VPS50: variants seen among roughly 807,000 people sequenced by gnomAD.
The protein encoded by VPS50 is VPS50 subunit of EARP/GARPII complex.
VPS50 carries 70 observed loss-of-function variants against 139.7 expected under a neutral mutation model. The observed-to-expected ratio is 0.50, with a 90% CI of 0.41 to 0.61. The LOEUF is 0.61. VPS50 is among the 20% of genes least tolerant of loss of function. The pLI is 0.00. For synonymous variants in VPS50, 365 were observed against 376.7 expected, an observed-to-expected ratio of 0.97 and a Z score of 0.36; for missense variants, 921 against 1,133.7, an observed-to-expected ratio of 0.81 and a Z score of 2.69.
Position 93,334,062 on chromosome 7 carries a change from G to A in VPS50, c.1978-55G>A, listed in dbSNP as rs116151544. 1.4e-3 allele frequency: 1,315 copies of A among 962,492 alleles called. 9 individuals carry two copies. The African/African-American group carries it at 0.014, about 10-fold the overall frequency. 59.6% of individuals were successfully genotyped at this position (962,492 alleles called of 1,614,324 possible). On this transcript the variant is annotated intron_variant, in intron 21 of 27. Transcript: ENST00000305866. ...CAAATATCTTGGTTAATTTGAAGAT[G>A]TAACATTTGCAAGATGATCTTTAGA...
chr7:93,347,059 T>G (rs1798417081), intron 23 of VPS50, among the ~76,000 whole-genome samples: 1 of 144,800 alleles, frequency 6.9e-6, no homozygotes, highest in Non-Finnish European at 1.5e-5. Context: ...TGGGAGAAAA[T>G]TTTCGCAACC....
At chr7:93,312,298 A>C (rs1797291889) in intron 20 of VPS50, among the ~76,000 whole-genome samples, 1 of 152,178 alleles carries the variant, frequency 6.6e-6, no homozygotes, top group Non-Finnish European at 1.5e-5. Context: ...GACTGAACAT[A>C]GTGTCAGAAA....
At position 93,276,147 on chromosome 7, in the gene VPS50, GT is replaced by G; in HGVS notation, c.802-11del. 2 of 1,539,394 alleles carry G rather than the reference GT, an allele frequency of 1.3e-6. No homozygotes were observed. The highest frequency in any genetic ancestry group is 1.8e-6 in the Non-Finnish European group (2 of 1,139,800). ...TTAATAATGTGAAATTATGTTGTGCGTTTTTTTCTTTCCACAGACAGCAATG... is the reference window on the plus strand; with the variant it reads ...TTAATAATGTGAAATTATGTTGTGCGTTTTTTCTTTCCACAGACAGCAATG... On this transcript the variant is annotated splice_polypyrimidine_tract_variant and intron_variant, in intron 11 of 27. Coordinates refer to ENST00000305866, the MANE Select transcript of VPS50 (RefSeq NM_017667.4).
chr7:93,332,622 C>T (rs957854576), intron 21 of VPS50, among the ~76,000 whole-genome samples: 5 of 151,870 alleles, frequency 3.3e-5, no homozygotes, highest in African/African-American at 1.2e-4. Flanking sequence ...AGTTATTTAC[C>T]CAAGATAAGT....
Position 93,303,555 on chromosome 7 carries a change from G to T in VPS50, c.1452+5G>T. On this transcript the variant is annotated splice_donor_5th_base_variant and intron_variant, in intron 17 of 27. Transcript: ENST00000305866. Reference sequence around the variant, plus strand: ...TTCAGCATCTTGCAACTTCATGTAAGTGTTTCTTAAGAACAAAGAAATCTG... The same window carrying T: ...TTCAGCATCTTGCAACTTCATGTAATTGTTTCTTAAGAACAAAGAAATCTG... The T allele has an allele frequency of 7.2e-7, 1 of 1,386,738 alleles. No individual in the cohort carries two copies. The highest frequency in any genetic ancestry group is 1.0e-6 in the Non-Finnish European group (1 of 989,832). 85.9% of individuals were successfully genotyped at this position (1,386,738 alleles called of 1,614,324 possible).
At chr7:93,316,518 G>A (rs775320053) in intron 20 of VPS50, among the ~76,000 whole-genome samples, 3 of 152,188 alleles carry the variant, frequency 2.0e-5, no homozygotes, top group Non-Finnish European at 2.9e-5. Flanking sequence ...TTGTAATATA[G>A]AGAAGAAGAT....
At chr7:93,315,508 AAG>A (rs1422014331) in intron 20 of VPS50, among the ~76,000 whole-genome samples, 8 of 152,196 alleles carry the variant, frequency 5.3e-5, no homozygotes, top group African/African-American at 1.9e-4. Context: ...AGCTTACTAA[AAG>A]AGTTCTGTTA....
At chr7:93,298,216 A>G (rs1352810074) in intron 16 of VPS50, among the ~76,000 whole-genome samples, 2 of 152,218 alleles carry the variant, frequency 1.3e-5, no homozygotes, top group African/African-American at 4.8e-5. Flanking sequence ...AGAGCCTTTG[A>G]GTTTCATGAC....
intron 22 of VPS50, among the ~76,000 whole-genome samples, chr7:93,336,714 G>A (rs1237782395): frequency 6.6e-6 from 1 of 152,146 alleles, no homozygotes; most frequent in Non-Finnish European, 1.5e-5. Flanking sequence ...GGTTTGCCAT[G>A]TTGGCCAGGC....
intron 2 of VPS50, among the ~76,000 whole-genome samples, chr7:93,252,136 A>C (rs1795353905): frequency 6.6e-6 from 1 of 152,204 alleles, no homozygotes; most frequent in Non-Finnish European, 1.5e-5. Flanking sequence ...ATAGTATTAC[A>C]GAACTAAATT....
chr7:93,356,959 G>C (rs1393080862), intron 27 of VPS50, among the ~76,000 whole-genome samples: 1 of 152,124 alleles, frequency 6.6e-6, no homozygotes, highest in Non-Finnish European at 1.5e-5. Context: ...TGAATCTTGT[G>C]TGAATGTCCC....
At chr7:93,342,120 G>A (rs895004512) in intron 23 of VPS50, among the ~76,000 whole-genome samples, 2 of 152,192 alleles carry the variant, frequency 1.3e-5, no homozygotes, top group African/African-American at 4.8e-5. Context: ...GTGGGTGCGC[G>A]CACTGTGCAT....
chr7:93,344,243 TTAATGA>T, intron 23 of VPS50, among the ~76,000 whole-genome samples: 2 of 152,052 alleles, frequency 1.3e-5, no homozygotes, highest in South Asian at 4.1e-4. Context: ...AGGCCATTAC[TTAATGA>T]TAAAGGGATC....
chr7:93,258,572 T>C (rs545089795), intron 8 of VPS50, among the ~76,000 whole-genome samples, 180 bp downstream of exon 8: 2 of 152,202 alleles, frequency 1.3e-5, no homozygotes, highest in African/African-American at 4.8e-5. Flanking sequence ...TGACATGATA[T>C]TACTTCATTT....
chr7:93,307,662 G>A (rs1203959071), intron 18 of VPS50, among the ~76,000 whole-genome samples: 2 of 151,844 alleles, frequency 1.3e-5, no homozygotes, highest in African/African-American at 2.4e-5. Flanking sequence ...TCTATGATAC[G>A]GTGTGGTCAC....
chr7:93,308,676 T>C (rs1298519416), intron 18 of VPS50, 148 bp from the exon 19 acceptor site: 3 of 441,312 alleles, frequency 6.8e-6, no homozygotes, highest in Non-Finnish European at 1.2e-5. Flanking sequence ...GAAGAATAAT[T>C]AGATTCTTGG....
intron 9 of VPS50, among the ~76,000 whole-genome samples, chr7:93,262,713 G>A (rs1228927970): frequency 6.6e-6 from 1 of 152,152 alleles, no homozygotes; most frequent in Non-Finnish European, 1.5e-5. Context: ...AGAGAGCAGG[G>A]CTATCAGTTG....
intron 20 of VPS50, among the ~76,000 whole-genome samples, chr7:93,313,972 A>C (rs946822387): frequency 6.6e-6 from 1 of 152,160 alleles, no homozygotes; most frequent in Non-Finnish European, 1.5e-5. Context: ...GATCCCCAGT[A>C]GACTTTTATG....
At chr7:93,307,117 G>C (rs931682525) in intron 18 of VPS50, among the ~76,000 whole-genome samples, 9 of 151,886 alleles carry the variant, frequency 5.9e-5, no homozygotes, top group African/African-American at 2.2e-4. Flanking sequence ...TAAAGTTGCT[G>C]TGAATACTAA....
Sources: gnomAD v4.1 joint callset for allele counts (sites outside exome capture counted in the v4.1 genomes callset) on GRCh38, gnomAD v4.1.1 for gene constraint, MANE v1.5 for transcripts, NCBI Gene and HGNC (gene_info 2026-07-23, HGNC 2026-07-21) for gene names.